CEP170B: variants seen among roughly 807,000 people sequenced by gnomAD.
CEP170B encodes centrosomal protein 170B.
A neutral mutation model predicts 120.6 loss-of-function variants in CEP170B; 55 were observed. The ratio of observed to expected loss-of-function variants is 0.46; its 90% CI spans 0.37 to 0.57. The LOEUF is 0.57. Among genes scored for constraint, CEP170B ranks in the 20% least tolerant of loss-of-function variants. The probability of loss-of-function intolerance (pLI) is 0.00; values close to 1 mark genes in which losing one functional copy is unlikely to be tolerated. For synonymous variants in CEP170B, 1,033 were observed against 954.5 expected (o/e 1.08, Z -1.52); for missense variants, 2,212 against 2,253.3 (o/e 0.98, Z 0.37).
rs1895173761 is a variant in CEP170B, at chr14:104,865,797, GC to G, written c.-28+289del. On this transcript the variant is annotated intron_variant, in intron 1 of 18. Transcript: ENST00000414716. This position sits in a 1 kb window ranked among gnomAD's most constrained non-coding sequence, Gnocchi z 6.7. ...CCCCGGCACCGGCTCGGCCATGGCC[GC>G]CCCCGGAGAGCGCTGATTCAGAAGG... 6.6e-6 allele frequency among the ~76,000 whole-genome samples: 1 copy of G among 152,002 alleles called. No homozygotes were observed. The highest frequency in any genetic ancestry group is 2.4e-5 in the African/African-American group (1 of 41,432).
chr14:104,876,967 C>T (rs1376235344), intron 3 of CEP170B, among the ~76,000 whole-genome samples: 1 of 152,220 alleles, frequency 6.6e-6, no homozygotes, highest in Non-Finnish European at 1.5e-5. Context: ...CTGGAGGCCC[C>T]TCTCTGGGGG....
intron 2 of CEP170B, among the ~76,000 whole-genome samples, chr14:104,875,726 G>A (rs997387962): frequency 2.0e-5 from 3 of 152,236 alleles, no homozygotes; most frequent in Non-Finnish European, 4.4e-5. Context: ...ATGATTGGAC[G>A]ACCGGGCTTG....
rs769278904 is a variant in CEP170B, at chr14:104,883,548, G to T, written c.1051+40G>T. 116 of 1,498,030 alleles carry T rather than the reference G, an allele frequency of 7.7e-5. No individual in the cohort carries two copies. In the African/African-American group the frequency reaches 1.5e-3, roughly 20 times the overall value. 92.8% of individuals were successfully genotyped at this position (1,498,030 alleles called of 1,614,324 possible). A position where few individuals can be genotyped will look rare whatever the true frequency, so the allele number is the denominator to read the frequency against. Reference sequence around the variant, plus strand: ...GGCGGCCGTGCCAGTCCCGGGACAGGCAGGGGACCGGACTTTGGCTGGGTC... The same window carrying T: ...GGCGGCCGTGCCAGTCCCGGGACAGTCAGGGGACCGGACTTTGGCTGGGTC... On this transcript the variant is annotated intron_variant, in intron 8 of 18. Coordinates refer to ENST00000414716, the MANE Select transcript of CEP170B (RefSeq NM_001112726.3).
chr14:104,874,987 T>G (rs1187459840), intron 2 of CEP170B, among the ~76,000 whole-genome samples: 1 of 152,200 alleles, frequency 6.6e-6, no homozygotes, highest in Non-Finnish European at 1.5e-5. Flanking sequence ...ATCTCCTCTC[T>G]GAGTTAGGAA....
chr14:104,880,268 C>A lies in CEP170B; in HGVS notation c.334-19C>A, dbSNP rs772582155. The A allele has an allele frequency of 6.3e-6, 10 of 1,575,552 alleles. No homozygotes were observed. The South Asian group carries it at 9.3e-5, about 15-fold the overall frequency. On this transcript the variant is annotated intron_variant, in intron 5 of 18. Transcript: ENST00000414716. ...CTGAGGCTGGGCCCAGTACCTCACC[C>A]CGCCTGGCCTGCCCACAGCATGAAA...
chr14:104,876,428 C>T lies in CEP170B; in HGVS notation c.195+83C>T. The stretch of plus-strand genomic sequence containing the variant: ...CCTCCCTCTCAGTTCTGGCTCCTCC[C>T]CCAGTCATAGCCCCTCCCTCTCAGC... On this transcript the variant is annotated intron_variant, in intron 3 of 18. Coordinates refer to ENST00000414716, the MANE Select transcript of CEP170B (RefSeq NM_001112726.3). The T allele has an allele frequency of 6.9e-6, 9 of 1,299,320 alleles. 1 individual carries two copies. The highest frequency in any genetic ancestry group is 8.7e-6 in the Non-Finnish European group (8 of 923,758). The allele number at this position is 1,299,320 out of a possible 1,614,324, so 80.5% of individuals were successfully genotyped here.
chr14:104,884,242 G>C lies in CEP170B; in HGVS notation c.1463G>C (p.Arg488Pro). The C allele has an allele frequency of 1.9e-6, 3 of 1,543,898 alleles. No individual in the cohort carries two copies. Among genetic ancestry groups the C allele is most frequent in the Non-Finnish European group, 8.7e-7 (1 of 1,146,840 alleles). The change falls in exon 9 of 19, where the codon CGC becomes CCC. Residue 488 changes from arginine to proline, a missense_variant. Around this residue, in one of 2 missense-constraint regions of CEP170B, gnomAD observed 2,166 missense variants for 2,166.7 expected, o/e 1.00. Transcript: ENST00000414716. Reference sequence around the variant, plus strand: ...TCGCCCGCCTCCCGAACCCCTGCCCGCCCCTTCGGAAGCGTGGGGCGCCGC... The same window carrying C: ...TCGCCCGCCTCCCGAACCCCTGCCCCCCCCTTCGGAAGCGTGGGGCGCCGC... ...SPSPASRTPA[R>P]PFGSVGRRSR... is the part of the protein sequence containing the mutation.
intron 9 of CEP170B, 29 bp downstream of exon 9, chr14:104,884,578 C>T (rs745582522): frequency 2.0e-5 from 31 of 1,513,946 alleles, no homozygotes; most frequent in Middle Eastern, 1.9e-4. Flanking sequence ...TGAGAGCCCT[C>T]GTGGGGAACG....
At chr14:104,892,588 C>T (rs1411556872) in intron 13 of CEP170B, among the ~76,000 whole-genome samples, 1 of 152,224 alleles carries the variant, frequency 6.6e-6, no homozygotes, top group South Asian at 2.1e-4. Flanking sequence ...GCACCCGTGG[C>T]ACCCACACGT....
rs749318862 is a variant in CEP170B, at chr14:104,878,498, C to G, written c.330C>G (p.Leu110=). 1.9e-6 allele frequency: 3 copies of G among 1,611,034 alleles called. No homozygotes were observed. Among genetic ancestry groups the G allele is most frequent in the Admixed American group, 1.7e-5 (1 of 59,996 alleles). The change falls in exon 5 of 19, where the codon CTC becomes CTG. Residue 110 remains leucine (L), a synonymous_variant. Coordinates refer to ENST00000414716, the MANE Select transcript of CEP170B (RefSeq NM_001112726.3). The part of the protein sequence containing the change: ...RVQHRVPEEA[L]KHEKYTSQLQ... ...AGCACCGAGTCCCGGAGGAGGCACT[C>G]AAGGTTAGTGCTGGCCAAGCCCGGG...
At chr14:104,893,179 C>G (rs115189865) in intron 14 of CEP170B, 44 bp downstream of exon 14, 4 of 1,580,236 alleles carry the variant, frequency 2.5e-6, no homozygotes, top group South Asian at 1.1e-5. Context: ...GAGCCACCCT[C>G]GAGGAGGGTC....
At chr14:104,883,667 G>A (rs985077789) in intron 8 of CEP170B, among the ~76,000 whole-genome samples, 159 bp downstream of exon 8, 1 of 152,196 alleles carries the variant, frequency 6.6e-6, no homozygotes, top group Non-Finnish European at 1.5e-5. Context: ...TCAGGAGTCC[G>A]GTCCTGCGTC....
At chr14:104,879,507 C>T (rs755141795) in intron 5 of CEP170B, among the ~76,000 whole-genome samples, 18 of 152,136 alleles carry the variant, frequency 1.2e-4, no homozygotes, top group Non-Finnish European at 2.4e-4. Context: ...AAGGGTTTTA[C>T]GCTGCACGAC....
Position 104,894,866 on chromosome 14 carries a change from C to A in CEP170B, c.4573C>A (p.Pro1525Thr). The change falls in exon 19 of 19, where the codon CCC becomes ACC. Residue 1525 changes from proline to threonine, a missense_variant. Pro to Thr is a conservative substitution (Grantham distance 38). This residue lies in a region of CEP170B where 2,166 missense variants were observed against 2,166.7 expected (regional missense o/e 1.00). Coordinates refer to ENST00000414716, the MANE Select transcript of CEP170B (RefSeq NM_001112726.3). Reference protein sequence around the residue: ...ASAEALLPALPLRNFPQRASC... With the variant: ...ASAEALLPALTLRNFPQRASC... Reference sequence around the variant, plus strand: ...AGCCGAGGCCCTGCTGCCAGCCCTGCCCCTGAGGAATTTCCCACAGCGGGC... The same window carrying A: ...AGCCGAGGCCCTGCTGCCAGCCCTGACCCTGAGGAATTTCCCACAGCGGGC... 2 of 1,608,538 alleles carry A rather than the reference C, an allele frequency of 1.2e-6. No homozygotes were observed. Among genetic ancestry groups the A allele is most frequent in the South Asian group, 2.2e-5 (2 of 90,686 alleles).
rs1896926353 is a variant in CEP170B, at chr14:104,893,097, C to T, written c.4000C>T (p.Pro1334Ser). The change falls in exon 14 of 19, where the codon CCC becomes TCC. Residue 1334 changes from proline (P) to serine (S), a missense_variant. Around this residue, in one of 2 missense-constraint regions of CEP170B, gnomAD observed 2,166 missense variants for 2,166.7 expected, o/e 1.00. Coordinates refer to ENST00000414716, the MANE Select transcript of CEP170B (RefSeq NM_001112726.3). ...PAHSASLSNM[P>S]STPASTISAR... ...CCACAGCGCCTCCCTCAGCAACATG[C>T]CCAGCACCCCCGCCTCGACCATCTC... 6.2e-7 allele frequency: 1 copy of T among 1,608,098 alleles called. No individual in the cohort carries two copies. The highest frequency in any genetic ancestry group is 8.5e-7 in the Non-Finnish European group (1 of 1,178,590).
In CEP170B at chr14:104,887,149, G is replaced by A. The variant is rs1190088686; in HGVS notation, c.2910G>A (p.Gly970=). ...STVSLRSGKS[G]PSPTTPQPLR... is the part of the protein sequence containing the mutation. ...TCAGCCTGCGTAGTGGCAAGAGCGG[G>A]CCCAGCCCCACAACCCCCCAGCCTC... The change falls in exon 12 of 19, where the codon GGG becomes GGA. Residue 970 remains glycine (G), a synonymous_variant. Transcript: ENST00000414716. The A allele has an allele frequency of 1.2e-6, 2 of 1,609,346 alleles. No homozygotes were observed. The highest frequency in any genetic ancestry group is 2.2e-5 in the South Asian group (2 of 91,074).
At position 104,893,016 on chromosome 14, in the gene CEP170B, CAGGAG is replaced by C; in HGVS notation, c.3921_3925del (p.Gln1307HisfsTer9). On this transcript the variant is annotated frameshift_variant, in exon 14 of 19. Transcript: ENST00000414716. LOFTEE classifies it high-confidence loss of function. ...GGTGAAGGACGTGGCCATCCTAGCC[CAGGAG>C]ATCCACGATGTGGCTGGGGACGGTG... is the stretch of plus-strand genomic sequence containing the variant. 2 of 1,584,082 alleles carry C rather than the reference CAGGAG, an allele frequency of 1.3e-6. No individual in the cohort carries two copies. The highest frequency in any genetic ancestry group is 1.7e-6 in the Non-Finnish European group (2 of 1,166,554).
chr14:104,877,833 G>GCCCCCCCCCCCCCCCCC, intron 3 of CEP170B, 52 bp from the exon 4 acceptor site: 2 of 359,778 alleles, frequency 5.6e-6, no homozygotes, highest in Non-Finnish European at 8.8e-6. Flanking sequence ...CCTGCCCACA[G>GCCCCCCCCCCCCCCCCC]CCACCCACCC....
At chr14:104,882,900 C>A in intron 7 of CEP170B, 68 bp downstream of exon 7, 2 of 1,526,608 alleles carry the variant, frequency 1.3e-6, no homozygotes, top group Non-Finnish European at 8.9e-7. Context: ...AGGGGATGGC[C>A]TGGGCTTGAG....
Sources: gnomAD v4.1 joint callset for allele counts (sites outside exome capture counted in the v4.1 genomes callset) on GRCh38, gnomAD v4.1.1 for gene constraint, gnomAD v4.1.1 regional missense constraint, Gnocchi (gnomAD v3.1) non-coding constraint, MANE v1.5 for transcripts, NCBI Gene and HGNC (gene_info 2026-07-23, HGNC 2026-07-21) for gene names.